MTHFSD: variants seen among roughly 807,000 people sequenced by gnomAD.
MTHFSD encodes methenyltetrahydrofolate synthase domain-containing protein.
Under a neutral mutation model 31.1 loss-of-function variants are expected in MTHFSD, and 37 were observed. The ratio of observed to expected loss-of-function variants is 1.19; its 90% CI spans 0.91 to 1.56. The LOEUF is 1.56. MTHFSD is among the 40% of genes most tolerant of loss of function. The pLI is 0.00. For missense variants in MTHFSD, 664 were observed against 510.1 expected (o/e 1.30, Z -2.91); for synonymous variants, 221 against 206.9 (o/e 1.07, Z -0.59).
intron 7 of MTHFSD, among the ~76,000 whole-genome samples, chr16:86,537,876 T>A (rs899500935): frequency 3.3e-5 from 5 of 152,204 alleles, no homozygotes; most frequent in African/African-American, 9.7e-5. Flanking sequence ...GTTTCCCTCA[T>A]TAAGGAGCAA....
intron 4 of MTHFSD, chr16:86,547,007 G>T: frequency 2.9e-6 from 1 of 343,318 alleles, no homozygotes; most frequent in Non-Finnish European, 4.4e-6. Flanking sequence ...CTGAGCCACA[G>T]GTCCCCAGCA....
chr16:86,551,907 G>A, intron 3 of MTHFSD, 126 bp downstream of exon 3: 1 of 1,501,262 alleles, frequency 6.7e-7, no homozygotes, highest in Non-Finnish European at 8.9e-7. Flanking sequence ...GGCACTTTCT[G>A]TATTGGAGGG....
At chr16:86,549,828 A>G (rs1250564981) in intron 3 of MTHFSD, among the ~76,000 whole-genome samples, 3 of 152,252 alleles carry the variant, frequency 2.0e-5, no homozygotes, top group Non-Finnish European at 4.4e-5. Context: ...CCCTCGGAGT[A>G]CTGATTGAAC....
At chr16:86,540,963 G>T in intron 7 of MTHFSD, 1 of 1,173,168 alleles carries the variant, frequency 8.5e-7, no homozygotes, top group Non-Finnish European at 1.1e-6. Flanking sequence ...TAGAGGTGAT[G>T]TTGTTAATTT....
chr16:86,539,918 TA>T (rs1164402497), intron 7 of MTHFSD, among the ~76,000 whole-genome samples: 2 of 152,180 alleles, frequency 1.3e-5, no homozygotes, highest in Admixed American at 1.3e-4. Flanking sequence ...TCTTAGATTC[TA>T]AAACCTATAA....
chr16:86,552,191 G>A, intron 2 of MTHFSD, 45 bp from the exon 3 acceptor site: 3 of 1,614,066 alleles, frequency 1.9e-6, no homozygotes, highest in Non-Finnish European at 2.5e-6. Context: ...CAAGGACGAA[G>A]AAGCGAGCAC....
chr16:86,543,469 C>A (rs1449366526), intron 5 of MTHFSD, among the ~76,000 whole-genome samples: 3 of 152,240 alleles, frequency 2.0e-5, no homozygotes, highest in African/African-American at 7.2e-5. Flanking sequence ...AGAGAAAAGA[C>A]CAAAGCCAAA....
Position 86,531,734 on chromosome 16 carries a change from C to G in MTHFSD, c.*277G>C. The G allele has an allele frequency of 3.3e-6, 1 of 305,414 alleles. No homozygotes were observed. Among genetic ancestry groups the G allele is most frequent in the African/African-American group, 2.1e-5 (1 of 46,588 alleles). The allele number at this position is 305,414 out of a possible 1,614,324, so 18.9% of individuals were successfully genotyped here. ...AGTCCCTGGCCCCTCTGCTCTGTCC[C>G]TCCAGAGAAACAGAAACCGACTCAA... On this transcript the variant is annotated 3_prime_UTR_variant, in exon 8 of 8. Transcript: ENST00000360900. This position sits in a 1 kb window ranked among gnomAD's most constrained non-coding sequence, Gnocchi z 5.5.
At chr16:86,533,529 G>GGCA (rs1970257926) in intron 7 of MTHFSD, 1 of 152,196 alleles carries the variant, frequency 6.6e-6, no homozygotes, top group Non-Finnish European at 1.5e-5. Context: ...CGCAGTACAG[G>GGCA]GCAGCACATG....
chr16:86,554,110 A>C (rs1174166145), intron 2 of MTHFSD, among the ~76,000 whole-genome samples: 5 of 151,980 alleles, frequency 3.3e-5, no homozygotes, highest in Non-Finnish European at 5.9e-5. Flanking sequence ...AGCAGCAACA[A>C]CCCTCTCCAA....
chr16:86,546,324 C>T (rs978014004), intron 5 of MTHFSD, among the ~76,000 whole-genome samples: 1 of 152,242 alleles, frequency 6.6e-6, no homozygotes, highest in African/African-American at 2.4e-5. Context: ...AGAGTTATCT[C>T]ACTTTGTTTT....
At chr16:86,535,626 T>A in intron 7 of MTHFSD, 1 of 504,608 alleles carries the variant, frequency 2.0e-6, no homozygotes, top group Non-Finnish European at 2.6e-6. Context: ...ACTTTAAGTT[T>A]AAAAACCTGT....
At chr16:86,548,149 T>A (rs1470342076) in intron 4 of MTHFSD, 4 of 1,297,074 alleles carry the variant, frequency 3.1e-6, no homozygotes, top group Non-Finnish European at 4.0e-6. Flanking sequence ...AGCTCCACAA[T>A]ACTGAACATC....
chr16:86,548,356 C>T (rs1446383721), intron 4 of MTHFSD, 108 bp downstream of exon 4: 1 of 1,006,658 alleles, frequency 9.9e-7, no homozygotes, highest in South Asian at 1.4e-5. Flanking sequence ...TCTTTTGGCT[C>T]TGTTAAAAAT....
rs150278484 is a variant in MTHFSD, at chr16:86,541,779, G to A, written c.599C>T (p.Thr200Ile). 6.2e-7 allele frequency: 1 copy of A among 1,614,206 alleles called. No individual in the cohort carries two copies. The highest frequency in any genetic ancestry group is 1.1e-5 in the South Asian group (1 of 91,072). The change falls in exon 7 of 8, where the codon ACT (threonine) becomes ATT (isoleucine). Residue 200 changes from threonine (T) to isoleucine (I), a missense_variant. By Grantham distance (89) the Thr-to-Ile change is moderately conservative. Coordinates refer to ENST00000360900, the MANE Select transcript of MTHFSD (RefSeq NM_001159377.2). ...PEELVEEHDI[T>I]VDYILTPTRV... ...GGTTGGAGTGAGGATGTAGTCCACA[G>A]TGATGTCGTGCTCCTCAACAAGCTC... is the stretch of plus-strand genomic sequence containing the variant.
At chr16:86,541,291 T>TAA (rs34551811) in intron 7 of MTHFSD, 27,356 of 767,568 alleles carry the variant, frequency 0.036, 62 homozygotes, top group African/African-American at 0.055. Context: ...AGATCGTCAG[T>TAA]AAAAAAAAAA....
At chr16:86,543,920 C>A (rs556153836) in intron 5 of MTHFSD, among the ~76,000 whole-genome samples, 18 of 152,284 alleles carry the variant, frequency 1.2e-4, no homozygotes, top group African/African-American at 4.3e-4. Flanking sequence ...GCGTGCAAAC[C>A]CTCGTATGAA....
At chr16:86,534,292 G>T (rs562576838) in intron 7 of MTHFSD, among the ~76,000 whole-genome samples, 2 of 152,298 alleles carry the variant, frequency 1.3e-5, no homozygotes, top group Admixed American at 6.5e-5. Context: ...CAGCTCTGAG[G>T]CCCAAGGAAT....
Position 86,554,583 on chromosome 16 carries a change from T to C in MTHFSD, c.123+62A>G, listed in dbSNP as rs1405242288. On this transcript the variant is annotated intron_variant, in intron 2 of 7. Transcript: ENST00000360900. ...TGACGCAGTAAGAGAATTTTATTACTAGTGTTATTCATTTAAGAATATTTT... is the reference window on the plus strand; with the variant it reads ...TGACGCAGTAAGAGAATTTTATTACCAGTGTTATTCATTTAAGAATATTTT... 75 of 1,202,100 alleles carry C rather than the reference T, an allele frequency of 6.2e-5. 2 individuals carry two copies. In the South Asian group the frequency reaches 8.8e-4, roughly 14 times the overall value. The allele number at this position is 1,202,100 out of a possible 1,614,324, so 74.5% of individuals were successfully genotyped here. A position where few individuals can be genotyped will look rare whatever the true frequency, so the allele number is the denominator to read the frequency against.
Sources: allele counts gnomAD v4.1 joint callset (sites outside exome capture counted in the v4.1 genomes callset), GRCh38; gene constraint gnomAD v4.1.1; non-coding constraint Gnocchi (gnomAD v3.1); transcripts MANE v1.5; gene names NCBI Gene and HGNC (gene_info 2026-07-23, HGNC 2026-07-21).